Variants in LDB2 observed in about 807,000 individuals in gnomAD.
LDB2 encodes the protein LIM domain binding 2.
LDB2 carries 12 observed loss-of-function variants against 44.3 expected under a neutral mutation model. The ratio of observed to expected loss-of-function variants is 0.27; its 90% confidence interval spans 0.17 to 0.44. The LOEUF is 0.44. LDB2 is among the 20% of genes least tolerant of loss of function. The pLI is 1.00. For synonymous variants in LDB2, 164 were observed against 174.8 expected, an observed-to-expected ratio of 0.94 and a Z score of 0.49; for missense variants, 344 against 473.5, an observed-to-expected ratio of 0.73 and a Z score of 2.54.
In LDB2 at chr4:16,866,099, C is replaced by T. The variant is rs1714614403; in HGVS notation, c.132+32255G>A. ...TGCCTAACAGGATATCTACAGAGGA[C>T]TTTGTGATAAGAGCTGGGACCTGGA... On this transcript the variant is annotated intron_variant, in intron 1 of 7. Transcript: ENST00000304523. Among the ~76,000 whole-genome samples, 4 of 152,284 alleles carry T rather than the reference C, an allele frequency of 2.6e-5. No individual in the cohort carries two copies. In the South Asian group the frequency reaches 8.3e-4, roughly 32 times the overall value.
At chr4:16,568,594 A>C (rs1745362424) in intron 5 of LDB2, among the ~76,000 whole-genome samples, 2 of 152,308 alleles carry the variant, frequency 1.3e-5, no homozygotes, top group East Asian at 3.9e-4. Flanking sequence ...AGTTAGATGC[A>C]ATGTACTCAT....
chr4:16,796,440 G>A (rs923048242), intron 1 of LDB2, among the ~76,000 whole-genome samples: 2 of 152,074 alleles, frequency 1.3e-5, no homozygotes, highest in African/African-American at 4.8e-5. Context: ...ACATAGTACT[G>A]GATTATAACT....
At chr4:16,835,363 T>G (rs1784727888) in intron 1 of LDB2, among the ~76,000 whole-genome samples, 1 of 152,230 alleles carries the variant, frequency 6.6e-6, no homozygotes, top group Non-Finnish European at 1.5e-5. Context: ...GTTCTTGAAA[T>G]CATGTAAATG....
intron 1 of LDB2, among the ~76,000 whole-genome samples, chr4:16,866,841 G>A (rs1561484848): frequency 6.6e-6 from 1 of 152,134 alleles, no homozygotes; most frequent in Non-Finnish European, 1.5e-5. Context: ...GCAGAGTATG[G>A]CAAATTGTAT....
intron 2 of LDB2, among the ~76,000 whole-genome samples, chr4:16,699,347 T>A (rs568737329): frequency 6.6e-6 from 1 of 152,336 alleles, no homozygotes; most frequent in Non-Finnish European, 1.5e-5. Context: ...CATCACTAAC[T>A]AATTGCGTAG....
intron 1 of LDB2, among the ~76,000 whole-genome samples, chr4:16,778,303 G>A (rs1384246287): frequency 2.6e-5 from 4 of 152,100 alleles, no homozygotes; most frequent in Middle Eastern, 3.4e-3. Flanking sequence ...ACGCACACAC[G>A]CATGCAAGAC....
chr4:16,629,483 G>A (rs193238642), intron 2 of LDB2, among the ~76,000 whole-genome samples: 20 of 152,126 alleles, frequency 1.3e-4, no homozygotes, highest in East Asian at 3.9e-4. Flanking sequence ...TGATACCCAC[G>A]CAAACAGGGC....
At chr4:16,698,508 A>G (rs566587761) in intron 2 of LDB2, among the ~76,000 whole-genome samples, 8 of 152,240 alleles carry the variant, frequency 5.3e-5, no homozygotes, top group African/African-American at 1.9e-4. Flanking sequence ...TATTTCTTTC[A>G]TTATGAATGA....
chr4:16,867,683 C>A (rs1323854209), intron 1 of LDB2, among the ~76,000 whole-genome samples: 1 of 152,062 alleles, frequency 6.6e-6, no homozygotes, highest in East Asian at 1.9e-4. Context: ...ACCAGTAATT[C>A]ATCGGCAAAA....
chr4:16,707,863 C>G (rs1033859868), intron 2 of LDB2, among the ~76,000 whole-genome samples: 3 of 152,108 alleles, frequency 2.0e-5, no homozygotes, highest in Non-Finnish European at 2.9e-5. Context: ...GATGTTGTAT[C>G]ATTATACACT....
At chr4:16,809,163 G>A (rs149305137) in intron 1 of LDB2, among the ~76,000 whole-genome samples, 5 of 152,266 alleles carry the variant, frequency 3.3e-5, no homozygotes, top group African/African-American at 1.2e-4. Flanking sequence ...GAATCATTAT[G>A]TAGAGGAAAA....
In LDB2 at chr4:16,588,670, A is replaced by G. The variant is rs771836326; in HGVS notation, c.531+40T>C. On this transcript the variant is annotated intron_variant, in intron 4 of 7. Coordinates refer to ENST00000304523, the MANE Select transcript of LDB2 (RefSeq NM_001290.5). ...CCCCTTGAGTGAAATGAAGGAGGAA[A>G]AAAAAGAAAAGAAAGCAAAACAGAA... 6.2e-6 allele frequency: 10 copies of G among 1,605,182 alleles called. No homozygotes were observed. The Admixed American group carries it at 6.8e-5, about 11-fold the overall frequency.
intron 2 of LDB2, among the ~76,000 whole-genome samples, chr4:16,712,424 C>A (rs913398684): frequency 1.3e-5 from 2 of 151,892 alleles, no homozygotes; most frequent in African/African-American, 4.8e-5. Context: ...TGGTGGCAAG[C>A]GCCTGTAGTC....
At chr4:16,581,418 C>G (rs1295447646) in intron 5 of LDB2, 1 of 985,042 alleles carries the variant, frequency 1.0e-6, no homozygotes, top group African/African-American at 1.7e-5. Context: ...CTTGACCATG[C>G]TGTTACTGGA....
chr4:16,762,979 T>C (rs1768261526), intron 1 of LDB2, among the ~76,000 whole-genome samples: 1 of 152,138 alleles, frequency 6.6e-6, no homozygotes, highest in Non-Finnish European at 1.5e-5. Context: ...AAATGTCATA[T>C]GATTCAAACT....
At chr4:16,776,734 G>A (rs752821986) in intron 1 of LDB2, among the ~76,000 whole-genome samples, 7 of 152,212 alleles carry the variant, frequency 4.6e-5, no homozygotes, top group Non-Finnish European at 1.0e-4. Context: ...AGCATTAAGT[G>A]TACAGCAGAA....
intron 2 of LDB2, among the ~76,000 whole-genome samples, chr4:16,679,217 CTG>C (rs1747151025): frequency 6.6e-6 from 1 of 151,788 alleles, no homozygotes; most frequent in African/African-American, 2.4e-5. Context: ...ATCAGAGTGA[CTG>C]TAATGAATGA....
intron 1 of LDB2, among the ~76,000 whole-genome samples, chr4:16,816,598 A>T (rs140506657): frequency 6.6e-5 from 10 of 151,890 alleles, no homozygotes; most frequent in South Asian, 4.2e-4. Flanking sequence ...TTTAGTAGAG[A>T]CAGGGTTTCA....
chr4:16,729,878 G>T (rs1277408946), intron 2 of LDB2, among the ~76,000 whole-genome samples: 1 of 152,168 alleles, frequency 6.6e-6, no homozygotes, highest in Admixed American at 6.5e-5. Context: ...ACCGCATGAA[G>T]TGTTCCATCA....
Sources: gnomAD v4.1 joint callset for allele counts (sites outside exome capture counted in the v4.1 genomes callset) on GRCh38, gnomAD v4.1.1 for gene constraint, MANE v1.5 for transcripts, NCBI Gene and HGNC (gene_info 2026-07-23, HGNC 2026-07-21) for gene names.